Variants in SLC47A2 observed in about 807,000 individuals in gnomAD.
SLC47A2 encodes the protein solute carrier family 47 member 2.
A neutral mutation model predicts 67.7 loss-of-function variants in SLC47A2; 52 were observed. The ratio of observed to expected loss-of-function variants is 0.77; its 90% CI spans 0.61 to 0.97. SLC47A2 has a LOEUF of 0.97. SLC47A2 is among the 50% of genes least tolerant of loss of function. The pLI, the probability that SLC47A2 is intolerant of heterozygous loss-of-function variation, is 0.00. For missense variants in SLC47A2, 676 were observed against 712.3 expected, an observed-to-expected ratio of 0.95 and a Z score of 0.58; for synonymous variants, 278 against 292.9, an observed-to-expected ratio of 0.95 and a Z score of 0.52.
intron 13 of SLC47A2, among the ~76,000 whole-genome samples, chr17:19,690,957 TAA>T (rs922912457): frequency 6.6e-6 from 1 of 151,494 alleles, no homozygotes; most frequent in Non-Finnish European, 1.5e-5. Flanking sequence ...CCTTCTCTAC[TAA>T]AAAAAATACA....
chr17:19,708,134 G>A (rs772794639), intron 7 of SLC47A2, among the ~76,000 whole-genome samples, 168 bp downstream of exon 7: 6 of 152,134 alleles, frequency 3.9e-5, no homozygotes, highest in Admixed American at 6.5e-5. Flanking sequence ...CCAATCAAGC[G>A]TCAAACTGAG....
intron 13 of SLC47A2, among the ~76,000 whole-genome samples, chr17:19,690,364 A>C (rs1197871480): frequency 6.6e-6 from 1 of 152,172 alleles, no homozygotes; most frequent in Non-Finnish European, 1.5e-5. Flanking sequence ...TGATCTGGGC[A>C]AAGATTTCTT....
Position 19,681,363 on chromosome 17 carries a change from T to G in SLC47A2, c.1392+4A>C. 1 of 1,599,542 alleles carries G rather than the reference T, an allele frequency of 6.3e-7. No homozygotes were observed. Reference sequence around the variant, plus strand: ...TTGTGGCCAGGGTCAGCTGACCCACTTACCTCCTCTGCAGCAAGCTTCCAG... The same window carrying G: ...TTGTGGCCAGGGTCAGCTGACCCACGTACCTCCTCTGCAGCAAGCTTCCAG... On this transcript the variant is annotated splice_donor_region_variant and intron_variant, in intron 15 of 16. Transcript: ENST00000433844.
intron 13 of SLC47A2, among the ~76,000 whole-genome samples, chr17:19,695,084 T>A (rs2085630042): frequency 6.6e-6 from 1 of 152,084 alleles, no homozygotes; most frequent in South Asian, 2.1e-4. Context: ...TTGGACTACA[T>A]TGAAAGTGAA....
At chr17:19,705,342 A>C in intron 10 of SLC47A2, 94 bp downstream of exon 10, 6 of 1,352,542 alleles carry the variant, frequency 4.4e-6, no homozygotes, top group Non-Finnish European at 5.1e-6. Context: ...TTCGGGAGAC[A>C]GAGATAGCTT....
intron 4 of SLC47A2, among the ~76,000 whole-genome samples, chr17:19,713,407 AATAATAATCATC>A (rs1461150241): frequency 6.9e-6 from 1 of 143,896 alleles, no homozygotes; most frequent in Non-Finnish European, 1.5e-5. Flanking sequence ...TAATAATAAT[AATAATAATCATC>A]ATCATCATCA....
intron 8 of SLC47A2, among the ~76,000 whole-genome samples, 186 bp from the exon 9 acceptor site, chr17:19,706,947 AG>A (rs770086844): frequency 3.3e-4 from 50 of 152,240 alleles, no homozygotes; most frequent in Non-Finnish European, 6.9e-4. Context: ...CCTACGGAGG[AG>A]GAGGATGCAG....
intron 5 of SLC47A2, 51 bp downstream of exon 5, chr17:19,712,652 G>T: frequency 6.3e-7 from 1 of 1,595,320 alleles, no homozygotes. Flanking sequence ...AAAGCAAAAA[G>T]CCAGAATTTA....
In SLC47A2 at chr17:19,678,487, C is replaced by T; in HGVS notation, c.*199G>A. 1.7e-6 allele frequency: 1 copy of T among 603,790 alleles called. No individual in the cohort carries two copies. Among genetic ancestry groups the T allele is most frequent in the East Asian group, 2.8e-5 (1 of 35,776 alleles). 37.4% of individuals were successfully genotyped at this position (603,790 alleles called of 1,614,324 possible). ...TCCAAGTCACAGAAGAAAACTCCAG[C>T]TTGACCAGAACAGAATTGTCAAGTC... On this transcript the variant is annotated 3_prime_UTR_variant, in exon 17 of 17. Transcript: ENST00000433844.
chr17:19,713,861 A>T lies in SLC47A2; in HGVS notation c.407T>A (p.Ile136Asn), dbSNP rs763815453. 5 of 1,613,400 alleles carry T rather than the reference A, an allele frequency of 3.1e-6. No homozygotes were observed. The Admixed American group carries it at 8.3e-5, about 27-fold the overall frequency. ...CGGGTCCTGCCGGAAGAGCAGCAGG[A>T]TGTGCTGGGTGTTGAGGAAGAGCGC... ...CWALFLNTQH[I>N]LLLFRQDPDV... The change falls in exon 4 of 17, where the codon ATC (isoleucine) becomes AAC (asparagine). Residue 136 changes from isoleucine (I) to asparagine (N), a missense_variant. Coordinates refer to ENST00000433844, the MANE Select transcript of SLC47A2 (RefSeq NM_001099646.3).
At chr17:19,689,637 C>T (rs1283905225) in intron 13 of SLC47A2, among the ~76,000 whole-genome samples, 1 of 149,754 alleles carries the variant, frequency 6.7e-6, no homozygotes, top group Non-Finnish European at 1.5e-5. Context: ...GTCAAGGCTG[C>T]AGTAAGCCAT....
intron 1 of SLC47A2, chr17:19,715,670 G>GCAATTC (rs2086233828): frequency 2.7e-5 from 4 of 148,400 alleles, no homozygotes; most frequent in Admixed American, 2.0e-4. Context: ...TACAGGAAGT[G>GCAATTC]CAATTCCATT....
At chr17:19,710,602 G>A (rs1433657265) in intron 5 of SLC47A2, among the ~76,000 whole-genome samples, 3 of 151,634 alleles carry the variant, frequency 2.0e-5, no homozygotes, top group Non-Finnish European at 4.4e-5. Context: ...GCAGGCACCC[G>A]CCATCATGCC....
rs571575155 is a variant in SLC47A2, at chr17:19,708,346, A to T, written c.585T>A (p.Gly195=). ...CAGAAACCAGGGCATAGTTGGCCACACCGTTGACACAGTTGCCCACCACAC... is the reference window on the plus strand; with the variant it reads ...CAGAAACCAGGGCATAGTTGGCCACTCCGTTGACACAGTTGCCCACCACAC... ...LSGVVGNCVN[G]VANYALVSVL... Residue 195 remains glycine (G), a synonymous_variant, in exon 7 of 17, where the codon GGT becomes GGA. Transcript: ENST00000433844. The T allele has an allele frequency of 6.2e-7, 1 of 1,613,732 alleles. No homozygotes were observed. Among genetic ancestry groups the T allele is most frequent in the East Asian group, 2.2e-5 (1 of 44,874 alleles).
chr17:19,713,815 C>A lies in SLC47A2; in HGVS notation c.443+10G>T. 6.2e-7 allele frequency: 1 copy of A among 1,602,962 alleles called. No homozygotes were observed. On this transcript the variant is annotated intron_variant, in intron 4 of 16. Coordinates refer to ENST00000433844, the MANE Select transcript of SLC47A2 (RefSeq NM_001099646.3). ...GCAAGCCCCACCTCCCCAGCCGGAGCCCAGCGCACCTGGACACGTCCGGGT... is the reference window on the plus strand; with the variant it reads ...GCAAGCCCCACCTCCCCAGCCGGAGACCAGCGCACCTGGACACGTCCGGGT...
chr17:19,690,604 A>G (rs2085518386), intron 13 of SLC47A2, among the ~76,000 whole-genome samples: 1 of 152,206 alleles, frequency 6.6e-6, no homozygotes, highest in African/African-American at 2.4e-5. Context: ...TTAAAAATGG[A>G]CAGAAATAGA....
At chr17:19,682,573 C>T (rs1277517508) in intron 13 of SLC47A2, among the ~76,000 whole-genome samples, 1 of 152,190 alleles carries the variant, frequency 6.6e-6, no homozygotes, top group African/African-American at 2.4e-5. Context: ...CTCTGACTCT[C>T]CTGCCTCCCT....
At chr17:19,704,807 G>T in intron 10 of SLC47A2, 1 of 680,908 alleles carries the variant, frequency 1.5e-6, no homozygotes, top group Non-Finnish European at 2.3e-6. Flanking sequence ...GTGGCCTGCT[G>T]CTCGATGGAA....
chr17:19,694,209 T>C (rs1279858092), intron 13 of SLC47A2, among the ~76,000 whole-genome samples: 1 of 152,210 alleles, frequency 6.6e-6, no homozygotes, highest in Non-Finnish European at 1.5e-5. Flanking sequence ...AATTGATCTA[T>C]AGATTCAACA....
Sources: allele counts gnomAD v4.1 joint callset (sites outside exome capture counted in the v4.1 genomes callset), GRCh38; gene constraint gnomAD v4.1.1; transcripts MANE v1.5; gene names NCBI Gene and HGNC (gene_info 2026-07-23, HGNC 2026-07-21).